COLEC12: variants seen among roughly 807,000 people sequenced by gnomAD.
COLEC12 encodes collectin-12.
A neutral mutation model predicts 71.1 loss-of-function variants in COLEC12; 33 were observed. The ratio of observed to expected loss-of-function variants is 0.46; its 90% CI spans 0.35 to 0.62. The LOEUF is 0.62. Ranked by LOEUF, COLEC12 falls within the 20% of genes least tolerant of loss-of-function variation. The pLI, the probability that COLEC12 is intolerant of heterozygous loss-of-function variation, is 0.00. For missense variants in COLEC12, 765 were observed against 916.1 expected, an observed-to-expected ratio of 0.84 and a Z score of 2.13; for synonymous variants, 350 against 353.0, an observed-to-expected ratio of 0.99 and a Z score of 0.10.
chr18:333,238 G>A (rs759992691), intron 6 of COLEC12, 95 bp from the exon 7 acceptor site: 19 of 1,037,162 alleles, frequency 1.8e-5, no homozygotes, highest in Admixed American at 7.4e-5. Flanking sequence ...CTGTGGTCCC[G>A]CTGGGAGCAG....
intron 2 of COLEC12, among the ~76,000 whole-genome samples, chr18:473,184 C>T (rs1413599728): frequency 1.3e-5 from 2 of 152,056 alleles, no homozygotes; most frequent in Non-Finnish European, 2.9e-5. Flanking sequence ...TCCTGGGCAC[C>T]ACCTCCCCCG....
intron 2 of COLEC12, among the ~76,000 whole-genome samples, chr18:436,953 A>G (rs1916419557): frequency 6.6e-6 from 1 of 152,224 alleles, no homozygotes; most frequent in Admixed American, 6.5e-5. Flanking sequence ...GTAGCACAAT[A>G]CTTGTGCTTT....
At chr18:451,519 G>A (rs190503358) in intron 2 of COLEC12, among the ~76,000 whole-genome samples, 2 of 152,240 alleles carry the variant, frequency 1.3e-5, no homozygotes, top group Admixed American at 1.3e-4. Context: ...AGGCCGAGGT[G>A]GGTGGATCAC....
chr18:455,523 G>A (rs1442488931), intron 2 of COLEC12, among the ~76,000 whole-genome samples: 3 of 152,102 alleles, frequency 2.0e-5, no homozygotes, highest in Non-Finnish European at 4.4e-5. Flanking sequence ...TACATGTGCA[G>A]AATGTACAGG....
At chr18:427,559 A>G (rs889910260) in intron 2 of COLEC12, among the ~76,000 whole-genome samples, 2 of 151,682 alleles carry the variant, frequency 1.3e-5, no homozygotes, top group African/African-American at 4.8e-5. Flanking sequence ...GGTGGTTCAG[A>G]GATGCAGCCC....
chr18:377,890 T>C (rs1229917779), intron 2 of COLEC12, among the ~76,000 whole-genome samples: 1 of 149,900 alleles, frequency 6.7e-6, no homozygotes, highest in African/African-American at 2.5e-5. Flanking sequence ...CTGGGGGAAA[T>C]AGGGTGGCGG....
chr18:415,069 C>T (rs11660914), intron 2 of COLEC12, among the ~76,000 whole-genome samples: 47,222 of 152,124 alleles, frequency 0.31, 8,209 homozygotes, highest in South Asian at 0.55. Context: ...AGTGCAAACA[C>T]GGAATGAAGC....
intron 1 of COLEC12, among the ~76,000 whole-genome samples, chr18:493,456 C>A (rs1217899065): frequency 6.6e-6 from 1 of 152,198 alleles, no homozygotes; most frequent in East Asian, 1.9e-4. Flanking sequence ...ATAATGTAAT[C>A]TGAAATATGA....
At chr18:433,003 G>A (rs1916335290) in intron 2 of COLEC12, among the ~76,000 whole-genome samples, 1 of 152,060 alleles carries the variant, frequency 6.6e-6, no homozygotes, top group African/African-American at 2.4e-5. Context: ...TGGCTTTCAT[G>A]GCATAATTTT....
At chr18:455,814 A>G (rs1040286230) in intron 2 of COLEC12, among the ~76,000 whole-genome samples, 1 of 152,206 alleles carries the variant, frequency 6.6e-6, no homozygotes, top group Admixed American at 6.5e-5. Context: ...ATGTCCCTGC[A>G]AAGACATGAT....
At position 360,471 on chromosome 18, in the gene COLEC12, G is replaced by C. The variant is rs145540005; in HGVS notation, c.59-2949C>G. ...CTCCCAAAGTGCTGGGAGTATAGGT[G>C]TGAGCCACCACGCCTGGCCAAGAAT... is the stretch of plus-strand genomic sequence containing the variant. On this transcript the variant is annotated intron_variant, in intron 2 of 9. Coordinates refer to ENST00000400256, the MANE Select transcript of COLEC12 (RefSeq NM_130386.3). 2.4e-4 allele frequency among the ~76,000 whole-genome samples: 37 copies of C among 152,282 alleles called. No individual in the cohort carries two copies. In the East Asian group the frequency reaches 6.4e-3, roughly 26 times the overall value.
intron 2 of COLEC12, among the ~76,000 whole-genome samples, chr18:398,139 C>A (rs111459729): frequency 6.6e-6 from 1 of 152,168 alleles, no homozygotes; most frequent in Non-Finnish European, 1.5e-5. Context: ...AAGAAAGCAT[C>A]GAAACTATGA....
chr18:339,197 G>A (rs1294496471), intron 5 of COLEC12, among the ~76,000 whole-genome samples: 6 of 152,148 alleles, frequency 3.9e-5, no homozygotes, highest in Admixed American at 1.3e-4. Context: ...GAGTTCCAAA[G>A]ATACAACTCT....
intron 2 of COLEC12, among the ~76,000 whole-genome samples, chr18:370,681 C>T (rs949059011): frequency 6.6e-6 from 1 of 152,128 alleles, no homozygotes; most frequent in African/African-American, 2.4e-5. Flanking sequence ...AGAAGAGATA[C>T]TTGTCTTGAG....
intron 2 of COLEC12, among the ~76,000 whole-genome samples, chr18:383,090 G>C (rs958299529): frequency 3.3e-5 from 5 of 152,154 alleles, no homozygotes; most frequent in African/African-American, 1.2e-4. Flanking sequence ...AGGACTGCCT[G>C]TACTGTGTGG....
Position 346,977 on chromosome 18 carries a change from C to T in COLEC12, c.645G>A (p.Gln215=), listed in dbSNP as rs1914392472. 19 of 1,614,108 alleles carry T rather than the reference C, an allele frequency of 1.2e-5. No individual in the cohort carries two copies. Among genetic ancestry groups the T allele is most frequent in the Admixed American group, 1.7e-5 (1 of 60,010 alleles). ...NLNNLNLTQV[Q]QRNLITNLQR... ...GCAGATTCGTGATGAGGTTCCTCTG[C>T]TGCACCTGGGTCAGGTTCAGGTTGT... is the stretch of plus-strand genomic sequence containing the variant. Residue 215 remains glutamine, a synonymous_variant, in exon 5 of 10, where the codon CAG becomes CAA. Transcript: ENST00000400256. The surrounding 1 kb of genome is among the most constrained non-coding windows in gnomAD (Gnocchi z 4.0).
In COLEC12 at chr18:334,987, C is replaced by T. The variant is rs1465454211; in HGVS notation, c.1571G>A (p.Gly524Glu). ...PGKPGPQGSS[G>E]DPGPPGPPGK... is the part of the protein sequence containing the mutation. ...TGGTGGGCCCGGGGGGCCTGGGTCCCCACTGGAGCCCTGAGGGCCGGGCTT... is the reference window on the plus strand; with the variant it reads ...TGGTGGGCCCGGGGGGCCTGGGTCCTCACTGGAGCCCTGAGGGCCGGGCTT... Residue 524 changes from glycine (G) to glutamate (E), a missense_variant, in exon 6 of 10, where the codon GGG becomes GAG. Gly to Glu is a moderately conservative substitution (Grantham distance 98, BLOSUM62 -2). Coordinates refer to ENST00000400256, the MANE Select transcript of COLEC12 (RefSeq NM_130386.3). The T allele has an allele frequency of 1.3e-6, 2 of 1,568,602 alleles. No individual in the cohort carries two copies. Among genetic ancestry groups the T allele is most frequent in the East Asian group, 2.3e-5 (1 of 43,628 alleles).
intron 8 of COLEC12, among the ~76,000 whole-genome samples, chr18:323,342 G>A (rs1251999221): frequency 4.6e-5 from 7 of 152,144 alleles, no homozygotes; most frequent in Non-Finnish European, 4.4e-5. Context: ...TACTTAGAAG[G>A]GAGAGTTAGA....
chr18:440,378 T>TACACAC (rs142637035), intron 2 of COLEC12, among the ~76,000 whole-genome samples: 4 of 121,336 alleles, frequency 3.3e-5, no homozygotes, highest in Admixed American at 7.9e-5. Flanking sequence ...CACACACACA[T>TACACAC]ACACACACAC....
Sources: gnomAD v4.1 joint callset for allele counts (sites outside exome capture counted in the v4.1 genomes callset) on GRCh38, gnomAD v4.1.1 for gene constraint, Gnocchi (gnomAD v3.1) non-coding constraint, MANE v1.5 for transcripts, NCBI Gene and HGNC (gene_info 2026-07-23, HGNC 2026-07-21) for gene names.